Variants in PDE10A observed in about 807,000 individuals in gnomAD.
PDE10A encodes the protein phosphodiesterase 10A, also known as cAMP and cAMP-inhibited cGMP 3',5'-cyclic phosphodiesterase 10A.
In PDE10A, 39 loss-of-function variants were observed where a neutral mutation model predicts 97.7. The observed-to-expected ratio is 0.40, with a 90% CI of 0.31 to 0.52. The LOEUF is 0.52. Ranked by LOEUF, PDE10A falls within the 20% of genes least tolerant of loss-of-function variation. PDE10A has a pLI of 0.56. For synonymous variants in PDE10A, 371 were observed against 376.8 expected, an observed-to-expected ratio of 0.98 and a Z score of 0.18; for missense variants, 731 against 1,047.8, an observed-to-expected ratio of 0.70 and a Z score of 4.17.
intron 18 of PDE10A, among the ~76,000 whole-genome samples, chr6:165,371,623 A>T (rs1293337393): frequency 6.6e-6 from 1 of 152,248 alleles, no homozygotes. Flanking sequence ...GACCAGATGG[A>T]TTCACAGCCA....
At chr6:165,965,169 G>A (rs893943902) in intron 1 of PDE10A, among the ~76,000 whole-genome samples, 3 of 152,232 alleles carry the variant, frequency 2.0e-5, no homozygotes, top group Admixed American at 6.5e-5. Flanking sequence ...GTCCAAGTGA[G>A]AGATGGTGAG....
At chr6:165,594,910 G>A (rs191897810) in intron 1 of PDE10A, among the ~76,000 whole-genome samples, 11 of 152,302 alleles carry the variant, frequency 7.2e-5, no homozygotes, top group African/African-American at 1.4e-4. Context: ...GATGGCAGGA[G>A]GTTAAGTCTG....
intron 1 of PDE10A, among the ~76,000 whole-genome samples, chr6:165,713,442 T>C (rs759383474): frequency 1.2e-4 from 18 of 152,210 alleles, no homozygotes; most frequent in Non-Finnish European, 1.6e-4. Flanking sequence ...GGCTTAGCAT[T>C]GTCCGTTTTC....
chr6:165,801,322 A>G (rs917909719), intron 1 of PDE10A, among the ~76,000 whole-genome samples: 2 of 152,212 alleles, frequency 1.3e-5, no homozygotes, highest in Non-Finnish European at 2.9e-5. Flanking sequence ...AGGCAGGTGG[A>G]TCATTTGAGG....
intron 10 of PDE10A, among the ~76,000 whole-genome samples, chr6:165,428,218 T>C (rs1789302844): frequency 6.6e-6 from 1 of 152,114 alleles, no homozygotes; most frequent in Admixed American, 6.5e-5. Context: ...AAGTACTCAG[T>C]AGCATAGGGA....
intron 1 of PDE10A, among the ~76,000 whole-genome samples, chr6:165,741,304 A>G (rs1001834919): frequency 2.0e-5 from 3 of 152,208 alleles, no homozygotes; most frequent in Admixed American, 6.5e-5. Context: ...AACTGGATAT[A>G]TGTACGTTTG....
intron 13 of PDE10A, among the ~76,000 whole-genome samples, chr6:165,398,343 C>T (rs758829978): frequency 3.3e-5 from 5 of 152,028 alleles, no homozygotes; most frequent in Middle Eastern, 3.4e-3. Flanking sequence ...TAGCCAGGCA[C>T]GGTGGCACAC....
At chr6:165,475,542 A>T (rs1454544121) in intron 3 of PDE10A, among the ~76,000 whole-genome samples, 1 of 152,204 alleles carries the variant, frequency 6.6e-6, no homozygotes, top group Non-Finnish European at 1.5e-5. Flanking sequence ...AACATTCACT[A>T]AGAACTTAAT....
intron 3 of PDE10A, among the ~76,000 whole-genome samples, chr6:165,470,788 A>G: frequency 6.7e-6 from 1 of 149,524 alleles, no homozygotes; most frequent in Non-Finnish European, 1.5e-5. Flanking sequence ...CTAAGCCCTT[A>G]AAGACTCTGT....
At chr6:165,650,729 G>C (rs911255820) in intron 1 of PDE10A, among the ~76,000 whole-genome samples, 3 of 151,520 alleles carry the variant, frequency 2.0e-5, no homozygotes, top group African/African-American at 7.3e-5. Context: ...TAAATATCTA[G>C]AAGCAGAATT....
At chr6:165,847,559 G>T (rs1172032579) in intron 1 of PDE10A, among the ~76,000 whole-genome samples, 3 of 152,226 alleles carry the variant, frequency 2.0e-5, no homozygotes, top group African/African-American at 7.2e-5. Context: ...CTGGTGAGTC[G>T]GCCACGGGGC....
At position 165,431,332 on chromosome 6, in the gene PDE10A, T is replaced by A. The variant is rs941570479; in HGVS notation, c.1542+90A>T. 4 of 684,686 alleles carry A rather than the reference T, an allele frequency of 5.8e-6. No homozygotes were observed. In the African/African-American group the frequency reaches 7.4e-5, roughly 13 times the overall value. 42.4% of individuals were successfully genotyped at this position (684,686 alleles called of 1,614,324 possible). A position where few individuals can be genotyped will look rare whatever the true frequency, so the allele number is the denominator to read the frequency against. ...TAATATCCCAAAATAAGGCATTGGG[T>A]GACTTAACCTCTATTCCGGTCTTCA... is the stretch of plus-strand genomic sequence containing the variant. On this transcript the variant is annotated intron_variant, in intron 8 of 21. Transcript: ENST00000539869.
chr6:165,471,986 T>C (rs1303207299), intron 3 of PDE10A, among the ~76,000 whole-genome samples: 1 of 152,226 alleles, frequency 6.6e-6, no homozygotes, highest in Non-Finnish European at 1.5e-5. Flanking sequence ...TCAAAAATAA[T>C]ACTCCCTTTT....
Position 165,388,213 on chromosome 6 carries a change from A to AT in PDE10A, c.2610+84dup. ...AGCTGTTGCTTTTAAGGAAGCCATA[A>AT]TGATCTTCCTTTTCCACCTATGAAG... is the stretch of plus-strand genomic sequence containing the variant. On this transcript the variant is annotated intron_variant, in intron 17 of 21. Coordinates refer to ENST00000539869, the MANE Select transcript of PDE10A (RefSeq NM_001385079.1). This position sits in a 1 kb window ranked among gnomAD's most constrained non-coding sequence, Gnocchi z 4.0. 4.1e-6 allele frequency: 5 copies of AT among 1,217,504 alleles called. No individual in the cohort carries two copies. 75.4% of individuals were successfully genotyped at this position (1,217,504 alleles called of 1,614,324 possible). A position where few individuals can be genotyped will look rare whatever the true frequency, so the allele number is the denominator to read the frequency against.
At chr6:165,957,928 A>G (rs758334373) in intron 1 of PDE10A, among the ~76,000 whole-genome samples, 4 of 152,210 alleles carry the variant, frequency 2.6e-5, no homozygotes, top group South Asian at 2.1e-4. Flanking sequence ...CCTTCTTTCA[A>G]TTCCACACCT....
chr6:165,669,234 A>G lies in PDE10A; in HGVS notation c.-614-125666T>C, dbSNP rs201860449. On this transcript the variant is annotated intron_variant, in intron 1 of 19. Transcript: ENST00000366882. ...GTTTTTTCAGCTGTGTTTGTTCTCT[A>G]TAGGACTGATTAGTGAGCCAGAGAC... is the stretch of plus-strand genomic sequence containing the variant. Among the ~76,000 whole-genome samples, 9 of 152,346 alleles carry G rather than the reference A, an allele frequency of 5.9e-5. No homozygotes were observed. In the East Asian group the frequency reaches 1.5e-3, roughly 26 times the overall value.
chr6:165,689,845 T>C (rs557594877), intron 1 of PDE10A, among the ~76,000 whole-genome samples: 2 of 152,250 alleles, frequency 1.3e-5, no homozygotes, highest in African/African-American at 4.8e-5. Flanking sequence ...GCTCAATACA[T>C]GAAGATACAG....
rs576037669 is a variant in PDE10A, at chr6:165,345,053, T to C, written c.2784-1551A>G. ...CTTTTTTTTCAACAGGTAAATTCATTTAAACACAAATCGAATGTGAAAAAC... is the reference window on the plus strand; with the variant it reads ...CTTTTTTTTCAACAGGTAAATTCATCTAAACACAAATCGAATGTGAAAAAC... On this transcript the variant is annotated intron_variant, in intron 18 of 21. Transcript: ENST00000539869. 2.4e-4 allele frequency among the ~76,000 whole-genome samples: 36 copies of C among 152,292 alleles called. No homozygotes were observed. In the South Asian group the frequency reaches 7.3e-3, roughly 31 times the overall value.
intron 1 of PDE10A, among the ~76,000 whole-genome samples, chr6:165,572,379 A>C (rs1785089971): frequency 6.6e-6 from 1 of 152,250 alleles, no homozygotes; most frequent in Non-Finnish European, 1.5e-5. Flanking sequence ...TTCATATATG[A>C]AAGTTGCTTT....
Sources: gnomAD v4.1 joint callset for allele counts (sites outside exome capture counted in the v4.1 genomes callset) on GRCh38, gnomAD v4.1.1 for gene constraint, Gnocchi (gnomAD v3.1) non-coding constraint, MANE v1.5 for transcripts, NCBI Gene and HGNC (gene_info 2026-07-23, HGNC 2026-07-21) for gene names.